The following AGPAT3 variants were observed in gnomAD, a reference collection of about 807,000 sequenced individuals.
AGPAT3 encodes 1-acyl-sn-glycerol-3-phosphate acyltransferase gamma.
In AGPAT3, 5 loss-of-function variants were observed where a neutral mutation model predicts 47.3. That is an observed-to-expected ratio of 0.11 (90% CI 0.06 to 0.22). The LOEUF is 0.22. AGPAT3 is among the 10% of genes least tolerant of loss of function. The probability of loss-of-function intolerance (pLI) is 1.00; values close to 1 mark genes in which losing one functional copy is unlikely to be tolerated. For missense variants in AGPAT3, 315 were observed against 493.0 expected (o/e 0.64, Z 3.42); for synonymous variants, 212 against 208.3 (o/e 1.02, Z -0.15).
chr21:43,897,211 C>G (rs1167328620), intron 1 of AGPAT3, among the ~76,000 whole-genome samples: 1 of 151,782 alleles, frequency 6.6e-6, no homozygotes, highest in Non-Finnish European at 1.5e-5. Flanking sequence ...CATCTTGCAC[C>G]GCCCTTAATC....
In AGPAT3 at chr21:43,985,456, C is replaced by A; in HGVS notation, c.*3064C>A. The A allele has an allele frequency of 3.1e-6, 1 of 325,564 alleles. No individual in the cohort carries two copies. Among genetic ancestry groups the A allele is most frequent in the Non-Finnish European group, 6.0e-6 (1 of 167,234 alleles). 20.2% of individuals were successfully genotyped at this position (325,564 alleles called of 1,614,324 possible). ...TTTTGAGTCTCTCTGCCTTGCCTGT[C>A]CCGACTCCCTTTCGCGCACCGTGGC... On this transcript the variant is annotated 3_prime_UTR_variant, in exon 10 of 10. Coordinates refer to ENST00000291572, the MANE Select transcript of AGPAT3 (RefSeq NM_020132.5).
At position 43,954,755 on chromosome 21, in the gene AGPAT3, ACCCTTTTT is replaced by A. The variant is rs2088361788; in HGVS notation, c.-48-4878_-48-4871del. 6.5e-6 allele frequency: 1 copy of A among 154,276 alleles called. No homozygotes were observed. The highest frequency in any genetic ancestry group is 1.4e-5 in the Non-Finnish European group (1 of 69,276). 9.6% of individuals were successfully genotyped at this position (154,276 alleles called of 1,614,324 possible). Reference sequence around the variant, plus strand: ...GATCTGGCACTGGCCGGCTCCATTCACCCTTTTTGGGGCTTACTGCCGCAGAGACTTCC... The same window carrying A: ...GATCTGGCACTGGCCGGCTCCATTCAGGGGCTTACTGCCGCAGAGACTTCC... On this transcript the variant is annotated intron_variant, in intron 2 of 9. Transcript: ENST00000291572. This position sits in a 1 kb window ranked among gnomAD's most constrained non-coding sequence, Gnocchi z 4.0.
Position 43,982,457 on chromosome 21 carries a change from A to G in AGPAT3, c.*65A>G, listed in dbSNP as rs2089888867. 8.5e-7 allele frequency: 1 copy of G among 1,173,066 alleles called. No individual in the cohort carries two copies. Among genetic ancestry groups the G allele is most frequent in the South Asian group, 1.3e-5 (1 of 79,022 alleles). 72.7% of individuals were successfully genotyped at this position (1,173,066 alleles called of 1,614,324 possible). On this transcript the variant is annotated 3_prime_UTR_variant, in exon 10 of 10. Coordinates refer to ENST00000291572, the MANE Select transcript of AGPAT3 (RefSeq NM_020132.5). This position sits in a 1 kb window ranked among gnomAD's most constrained non-coding sequence, Gnocchi z 6.2. ...TATCCAGTTAACTCAAAACCAACACACAGAGTGCAGGAAAAGACAATTAGA... is the reference window on the plus strand; with the variant it reads ...TATCCAGTTAACTCAAAACCAACACGCAGAGTGCAGGAAAAGACAATTAGA...
chr21:43,904,342 A>T (rs1318496816), intron 2 of AGPAT3, among the ~76,000 whole-genome samples: 1 of 152,216 alleles, frequency 6.6e-6, no homozygotes, highest in Non-Finnish European at 1.5e-5. Context: ...ACCAGGGCAC[A>T]GCGGACATGG....
In AGPAT3 at chr21:43,952,022, A is replaced by G. The variant is rs567735205; in HGVS notation, c.-48-7612A>G. Among the ~76,000 whole-genome samples the G allele has an allele frequency of 5.3e-5, 8 of 152,142 alleles. No individual in the cohort carries two copies. The highest frequency in any genetic ancestry group is 2.0e-4 in the Admixed American group (3 of 15,272). On this transcript the variant is annotated intron_variant, in intron 2 of 9. Coordinates refer to ENST00000291572, the MANE Select transcript of AGPAT3 (RefSeq NM_020132.5). The surrounding 1 kb of genome is among the most constrained non-coding windows in gnomAD (Gnocchi z 5.6). ...ACCAGCGACGGGGAGGAGGGTCCAC[A>G]TGCTGCAGCGAAGGACCTGGGGCAG...
chr21:43,979,260 T>G (rs1045863109), intron 8 of AGPAT3, among the ~76,000 whole-genome samples: 2 of 135,354 alleles, frequency 1.5e-5, no homozygotes, highest in African/African-American at 2.8e-5. Context: ...GATCGCCCCA[T>G]TGCACTGCAG....
chr21:43,967,860 A>T, intron 3 of AGPAT3, 86 bp from the exon 4 acceptor site: 1 of 1,385,614 alleles, frequency 7.2e-7, no homozygotes, highest in Non-Finnish European at 9.8e-7. Flanking sequence ...CTGGACAAAA[A>T]TACTGTAGGT....
At chr21:43,942,167 C>G (rs910066039) in intron 2 of AGPAT3, among the ~76,000 whole-genome samples, 1 of 152,240 alleles carries the variant, frequency 6.6e-6, no homozygotes, top group South Asian at 2.1e-4. Context: ...TGGGAGCTTC[C>G]GGAACCTGTG....
At chr21:43,896,365 G>A (rs971750916) in intron 1 of AGPAT3, among the ~76,000 whole-genome samples, 7 of 152,204 alleles carry the variant, frequency 4.6e-5, no homozygotes, top group African/African-American at 1.2e-4. Flanking sequence ...CCCAGCACAC[G>A]GTCAGATTTT....
In AGPAT3 at chr21:43,968,001, C is replaced by G. The variant is rs747789869; in HGVS notation, c.234C>G (p.Asp78Glu). ...GCACGGAGTGTACACTGTTCACGGA[C>G]CAGGCCACGGTAGAGCGCTTTGGGA... ...WSCTECTLFT[D>E]QATVERFGKE... The change falls in exon 4 of 10, where the codon GAC becomes GAG. Residue 78 changes from aspartate to glutamate, a missense_variant. By Grantham distance (45) the Asp-to-Glu change is conservative (BLOSUM62 2). Transcript: ENST00000291572. 6.2e-7 allele frequency: 1 copy of G among 1,613,942 alleles called. No homozygotes were observed. The highest frequency in any genetic ancestry group is 2.2e-5 in the East Asian group (1 of 44,862).
chr21:43,963,857 G>A (rs980499469), intron 3 of AGPAT3, among the ~76,000 whole-genome samples: 1 of 152,040 alleles, frequency 6.6e-6, no homozygotes, highest in African/African-American at 2.4e-5. Flanking sequence ...GATCCTCAAT[G>A]TGCTGGAAAA....
chr21:43,979,327 AAAAG>A (rs1241701828), intron 8 of AGPAT3, among the ~76,000 whole-genome samples: 5 of 141,916 alleles, frequency 3.5e-5, no homozygotes, highest in African/African-American at 7.8e-5. Context: ...GAAAGAAAAA[AAAAG>A]AAAGAAAAAA....
rs146537347 is a variant in AGPAT3, at chr21:43,908,594, A to C, written c.-49+4575A>C. Among the ~76,000 whole-genome samples the C allele has an allele frequency of 3.6e-3, 549 of 152,312 alleles. 2 individuals carry two copies. Among genetic ancestry groups the C allele is most frequent in the African/African-American group, 0.012 (514 of 41,554 alleles). On this transcript the variant is annotated intron_variant, in intron 2 of 9. Coordinates refer to ENST00000291572, the MANE Select transcript of AGPAT3 (RefSeq NM_020132.5). The surrounding 1 kb of genome is among the most constrained non-coding windows in gnomAD (Gnocchi z 4.9). ...GGGGGAGTGGAGCCGTGGGTGCGGCACTAGAAGGATGAGAAAGGACCTATG... is the reference window on the plus strand; with the variant it reads ...GGGGGAGTGGAGCCGTGGGTGCGGCCCTAGAAGGATGAGAAAGGACCTATG...
chr21:43,908,875 C>T lies in AGPAT3; in HGVS notation c.-49+4856C>T, dbSNP rs1000477932. On this transcript the variant is annotated intron_variant, in intron 2 of 9. Transcript: ENST00000291572. The surrounding 1 kb of genome is among the most constrained non-coding windows in gnomAD (Gnocchi z 4.9). Reference sequence around the variant, plus strand: ...TGCATTTTTTGGATGAGGGTACAGGCTCAGGCTCAGCTCACACGGTCCCCG... The same window carrying T: ...TGCATTTTTTGGATGAGGGTACAGGTTCAGGCTCAGCTCACACGGTCCCCG... Among the ~76,000 whole-genome samples, 1 of 152,146 alleles carries T rather than the reference C, an allele frequency of 6.6e-6. No homozygotes were observed. Among genetic ancestry groups the T allele is most frequent in the African/African-American group, 2.4e-5 (1 of 41,430 alleles).
intron 2 of AGPAT3, among the ~76,000 whole-genome samples, chr21:43,958,765 T>C (rs2088626767): frequency 6.9e-6 from 1 of 144,078 alleles, no homozygotes; most frequent in South Asian, 2.2e-4. Context: ...GTAGTGTGTG[T>C]GGTTTGTGAT....
At chr21:43,866,217 A>G (rs1390799607) in intron 1 of AGPAT3, among the ~76,000 whole-genome samples, 3 of 151,422 alleles carry the variant, frequency 2.0e-5, no homozygotes, top group African/African-American at 7.3e-5. Context: ...AAAAAGCACA[A>G]TTTTAAAAGC....
intron 1 of AGPAT3, among the ~76,000 whole-genome samples, chr21:43,889,014 A>G (rs547971358): frequency 6.6e-6 from 1 of 152,206 alleles, no homozygotes. Flanking sequence ...TTTCTTATTG[A>G]TTTTAAAAAT....
intron 1 of AGPAT3, among the ~76,000 whole-genome samples, chr21:43,899,992 G>A (rs1416496843): frequency 6.6e-6 from 1 of 152,224 alleles, no homozygotes; most frequent in Admixed American, 6.5e-5. Flanking sequence ...TTGCCTTCTA[G>A]TTTAACGTGG....
In AGPAT3 at chr21:43,880,065, CCCT is replaced by C. The variant is rs2085824100; in HGVS notation, c.-112+14721_-112+14723del. Among the ~76,000 whole-genome samples, 1 of 152,226 alleles carries C rather than the reference CCCT, an allele frequency of 6.6e-6. No homozygotes were observed. Among genetic ancestry groups the C allele is most frequent in the Non-Finnish European group, 1.5e-5 (1 of 68,040 alleles). ...CGGGGCGGAGGACGCAGCCCTGCAT[CCCT>C]TGCGTCCCCAGGCATCTTAGGAGCA... On this transcript the variant is annotated intron_variant, in intron 1 of 9. Transcript: ENST00000291572. This position sits in a 1 kb window ranked among gnomAD's most constrained non-coding sequence, Gnocchi z 4.5.
Sources: gnomAD v4.1 joint callset for allele counts (sites outside exome capture counted in the v4.1 genomes callset) on GRCh38, gnomAD v4.1.1 for gene constraint, Gnocchi (gnomAD v3.1) non-coding constraint, MANE v1.5 for transcripts, NCBI Gene and HGNC (gene_info 2026-07-23, HGNC 2026-07-21) for gene names.